SHANK2: variants seen among roughly 807,000 people sequenced by gnomAD.
SHANK2 encodes the protein SH3 and multiple ankyrin repeat domains protein 2.
Under a neutral mutation model 133.7 loss-of-function variants are expected in SHANK2, and 43 were observed. The observed-to-expected ratio is 0.32, with a 90% confidence interval of 0.25 to 0.41. SHANK2 has a LOEUF of 0.41. Ranked by LOEUF, SHANK2 falls within the 10% of genes least tolerant of loss-of-function variation. The pLI is 1.00. For synonymous variants in SHANK2, 1,017 were observed against 952.8 expected, an observed-to-expected ratio of 1.07 and a Z score of -1.24; for missense variants, 1,994 against 2,235.8, an observed-to-expected ratio of 0.89 and a Z score of 2.18.
At chr11:70,781,056 G>A (rs1204883991) in intron 14 of SHANK2, among the ~76,000 whole-genome samples, 2 of 151,984 alleles carry the variant, frequency 1.3e-5, no homozygotes, top group African/African-American at 4.8e-5. Context: ...GTTTGTGTCG[G>A]TTCTCTGTTT....
rs879982437 is a variant in SHANK2, at chr11:70,468,158, C to CT, written c.*4710dup. On this transcript the variant is annotated 3_prime_UTR_variant, in exon 26 of 26. Coordinates refer to ENST00000601538, the MANE Select transcript of SHANK2 (RefSeq NM_012309.5). ...CAAGGCACACACTTTATTTTTTTTC[C>CT]TTTTTTTTTTTCTTTTCTGTGTTTA... The CT allele has an allele frequency of 0.017, 2,477 of 147,050 alleles. 23 individuals carry two copies. The highest frequency in any genetic ancestry group is 0.028 in the Middle Eastern group (8 of 286). The allele number at this position is 147,050 out of a possible 1,614,324, so 9.1% of individuals were successfully genotyped here. A position where few individuals can be genotyped will look rare whatever the true frequency, so the allele number is the denominator to read the frequency against.
intron 8 of SHANK2, among the ~76,000 whole-genome samples, chr11:71,075,697 A>G (rs1951209633): frequency 6.6e-6 from 1 of 152,178 alleles, no homozygotes; most frequent in Non-Finnish European, 1.5e-5. Flanking sequence ...CCAAGGGGGC[A>G]GCACAAAATG....
intron 21 of SHANK2, chr11:70,497,054 C>T (rs1283432722): frequency 2.6e-5 from 12 of 456,392 alleles, no homozygotes; most frequent in Middle Eastern, 3.3e-4. Flanking sequence ...AGCAGCCGGG[C>T]GTGTTGGGGT....
At chr11:70,576,821 C>T (rs1406258253) in intron 17 of SHANK2, among the ~76,000 whole-genome samples, 2 of 152,232 alleles carry the variant, frequency 1.3e-5, no homozygotes, top group Non-Finnish European at 2.9e-5. Context: ...TTATCCCTCA[C>T]TTTTCTCCCC....
chr11:70,859,514 G>A (rs1949224734), intron 11 of SHANK2, among the ~76,000 whole-genome samples: 1 of 152,086 alleles, frequency 6.6e-6, no homozygotes, highest in Non-Finnish European at 1.5e-5. Context: ...TGGGTAGGAT[G>A]GATGGGTGAG....
Position 70,922,856 on chromosome 11 carries a change from C to A in SHANK2, c.1108-26289G>T, listed in dbSNP as rs72958700. Among the ~76,000 whole-genome samples, 307 of 152,114 alleles carry A rather than the reference C, an allele frequency of 2.0e-3. 4 individuals are homozygous for A. In the South Asian group the frequency reaches 0.034, roughly 17 times the overall value. ...CAGCTAGGAGATGCAGGGGAGGAAG[C>A]TGACCTGGTGACATAAACAAAATAC... is the stretch of plus-strand genomic sequence containing the variant. On this transcript the variant is annotated intron_variant, in intron 10 of 25. Transcript: ENST00000601538.
chr11:70,837,427 T>C (rs1477073436), intron 11 of SHANK2, among the ~76,000 whole-genome samples: 1 of 152,226 alleles, frequency 6.6e-6, no homozygotes, highest in African/African-American at 2.4e-5. Flanking sequence ...ACTCCAGGCC[T>C]TGTGCATTCA....
chr11:70,585,038 G>T (rs891359143), intron 17 of SHANK2, among the ~76,000 whole-genome samples: 1 of 152,242 alleles, frequency 6.6e-6, no homozygotes, highest in South Asian at 2.1e-4. Context: ...CACCCCAGGG[G>T]CTTGGATGCA....
chr11:70,862,412 T>A (rs1949273543), intron 11 of SHANK2, among the ~76,000 whole-genome samples: 1 of 151,946 alleles, frequency 6.6e-6, no homozygotes, highest in Non-Finnish European at 1.5e-5. Flanking sequence ...GTCTCTGGAA[T>A]GGGCTTGAGT....
intron 15 of SHANK2, among the ~76,000 whole-genome samples, chr11:70,673,065 C>T (rs1209757800): frequency 6.6e-6 from 1 of 152,222 alleles, no homozygotes. Flanking sequence ...TTGATGCAGG[C>T]TGGGTGTCCC....
At chr11:71,103,178 G>A (rs780988824) in intron 6 of SHANK2, among the ~76,000 whole-genome samples, 11 of 152,298 alleles carry the variant, frequency 7.2e-5, no homozygotes, top group South Asian at 2.1e-4. Flanking sequence ...CAGCCCTAGC[G>A]GCCACCCAGT....
chr11:70,867,960 C>T (rs1949395390), intron 11 of SHANK2, among the ~76,000 whole-genome samples: 1 of 152,214 alleles, frequency 6.6e-6, no homozygotes, highest in African/African-American at 2.4e-5. Flanking sequence ...CTGACTGTGC[C>T]TCCCTCTAAA....
chr11:71,156,042 G>T (rs1405596305), intron 2 of SHANK2, among the ~76,000 whole-genome samples: 1 of 152,186 alleles, frequency 6.6e-6, no homozygotes, highest in Non-Finnish European at 1.5e-5. Context: ...GCGCACAGAG[G>T]GATGATCACA....
intron 15 of SHANK2, among the ~76,000 whole-genome samples, chr11:70,679,618 G>A (rs868906359): frequency 6.6e-6 from 1 of 152,378 alleles, no homozygotes; most frequent in South Asian, 2.1e-4. Context: ...GTCCTGCCGA[G>A]GAACAGAGGG....
chr11:70,491,022 C>T (rs2058879814), intron 22 of SHANK2, among the ~76,000 whole-genome samples: 1 of 152,192 alleles, frequency 6.6e-6, no homozygotes, highest in South Asian at 2.1e-4. Flanking sequence ...TCAGCCTGTC[C>T]CAGGAGGAGC....
At chr11:70,799,746 A>G (rs1555050092) in intron 13 of SHANK2, among the ~76,000 whole-genome samples, 2 of 152,218 alleles carry the variant, frequency 1.3e-5, no homozygotes, top group Admixed American at 6.5e-5. Flanking sequence ...ACCCCAGCCT[A>G]CAGGGTGGAA....
chr11:70,812,282 T>C (rs1364596817), intron 12 of SHANK2, among the ~76,000 whole-genome samples: 1 of 152,250 alleles, frequency 6.6e-6, no homozygotes, highest in Admixed American at 6.5e-5. Flanking sequence ...AGGAAAGCCT[T>C]ATTTCTTCTA....
intron 17 of SHANK2, among the ~76,000 whole-genome samples, chr11:70,636,524 A>T (rs2061090872): frequency 8.5e-6 from 1 of 117,310 alleles, no homozygotes; most frequent in African/African-American, 3.4e-5. Flanking sequence ...AGAATGTGTG[A>T]ATATGTGTGA....
At chr11:70,892,651 A>C (rs782459275) in intron 11 of SHANK2, among the ~76,000 whole-genome samples, 9 of 152,134 alleles carry the variant, frequency 5.9e-5, no homozygotes, top group Non-Finnish European at 1.3e-4. Context: ...GGCTCTGGAA[A>C]AGTCCTGAAT....
Sources: allele counts gnomAD v4.1 joint callset (sites outside exome capture counted in the v4.1 genomes callset), GRCh38; gene constraint gnomAD v4.1.1; transcripts MANE v1.5; gene names NCBI Gene and HGNC (gene_info 2026-07-23, HGNC 2026-07-21).